TEX11: variants seen among roughly 807,000 people sequenced by gnomAD.
TEX11 encodes the protein testis-expressed protein 11.
In TEX11, 7 loss-of-function variants were observed where a neutral mutation model predicts 84.4. The observed-to-expected ratio is 0.08, with a 90% CI of 0.05 to 0.16. The LOEUF is 0.16. Among genes scored for constraint, TEX11 ranks in the 10% least tolerant of loss-of-function variants. TEX11 has a pLI of 1.00. For synonymous variants in TEX11, 264 were observed against 222.8 expected, an observed-to-expected ratio of 1.18 and a Z score of -1.64; for missense variants, 551 against 660.5, an observed-to-expected ratio of 0.83 and a Z score of 1.82.
chrX:70,567,564 A>T, intron 25 of TEX11, among the ~76,000 whole-genome samples: 1 of 110,483 alleles, frequency 9.1e-6, no homozygotes, highest in Admixed American at 9.7e-5. Context: ...TTCCCTCTAC[A>T]TACTGTTTTG....
At chrX:70,539,038 A>ATTTTTTTTTTTT (rs775537536) in intron 28 of TEX11, among the ~76,000 whole-genome samples, 1 of 41,255 alleles carries the variant, frequency 2.4e-5, no homozygotes, top group East Asian at 1.1e-3. Flanking sequence ...ATATATATAT[A>ATTTTTTTTTTTT]TTTTTTTTTT....
intron 13 of TEX11, among the ~76,000 whole-genome samples, chrX:70,710,776 AG>A (rs1306771599): frequency 9.0e-6 from 1 of 110,935 alleles, no homozygotes; most frequent in Non-Finnish European, 1.9e-5. Flanking sequence ...GGATTCACTG[AG>A]AAAGATATAG....
chrX:70,825,925 C>G (rs1203403818), intron 8 of TEX11, among the ~76,000 whole-genome samples: 1 of 111,257 alleles, frequency 9.0e-6, no homozygotes, highest in Non-Finnish European at 1.9e-5. Flanking sequence ...TTGCAGTGAG[C>G]TGAGATCGCG....
chrX:70,819,287 G>A (rs1205184630), intron 8 of TEX11, among the ~76,000 whole-genome samples: 2 of 111,664 alleles, frequency 1.8e-5, no homozygotes, highest in Non-Finnish European at 3.8e-5. Flanking sequence ...GGTTCAACAC[G>A]TGAAAATCAA....
intron 9 of TEX11, among the ~76,000 whole-genome samples, chrX:70,761,678 C>T (rs961794231): frequency 1.8e-5 from 2 of 111,854 alleles, no homozygotes; most frequent in African/African-American, 6.5e-5. Flanking sequence ...ACCTATGTAA[C>T]AAACCTGCAT....
intron 9 of TEX11, among the ~76,000 whole-genome samples, chrX:70,765,202 A>G (rs2090932343): frequency 9.0e-6 from 1 of 111,557 alleles, no homozygotes; most frequent in African/African-American, 3.3e-5. Context: ...CCTGGCCAAC[A>G]TGGTGAAACC....
chrX:70,710,544 AT>A (rs79913206), intron 13 of TEX11, among the ~76,000 whole-genome samples: 504 of 97,914 alleles, frequency 5.1e-3, no homozygotes, highest in Middle Eastern at 0.02. Context: ...AAAAGTTCTC[AT>A]TTTTTTTTTT....
At chrX:70,834,726 T>G (rs1402106723) in intron 7 of TEX11, among the ~76,000 whole-genome samples, 1 of 106,230 alleles carries the variant, frequency 9.4e-6, no homozygotes. Context: ...ATCGAGCCAT[T>G]GCACTCCAGC....
chrX:70,786,933 G>A (rs12164387), intron 9 of TEX11, among the ~76,000 whole-genome samples: 44,104 of 110,010 alleles, frequency 0.4, 7,390 homozygotes, highest in East Asian at 0.55. Flanking sequence ...TCAGGAGTTC[G>A]AAACCAGCCT....
intron 9 of TEX11, among the ~76,000 whole-genome samples, chrX:70,777,514 T>C (rs2091009764): frequency 9.0e-6 from 1 of 111,253 alleles, no homozygotes; most frequent in Non-Finnish European, 1.9e-5. Flanking sequence ...CTGGGCGTGG[T>C]GGCGCAAGCC....
At chrX:70,737,632 T>G (rs1325910352) in intron 11 of TEX11, among the ~76,000 whole-genome samples, 1 of 110,309 alleles carries the variant, frequency 9.1e-6, no homozygotes, top group Non-Finnish European at 1.9e-5. Flanking sequence ...GCACCATATT[T>G]CTCAACAGAA....
intron 9 of TEX11, among the ~76,000 whole-genome samples, chrX:70,801,266 G>T (rs1216109651): frequency 1.8e-5 from 2 of 111,974 alleles, no homozygotes; most frequent in Non-Finnish European, 3.8e-5. Flanking sequence ...GGCTTCTACT[G>T]CTTCAACAAC....
intron 17 of TEX11, among the ~76,000 whole-genome samples, chrX:70,636,465 C>T (rs1296771629): frequency 2.7e-5 from 3 of 111,183 alleles, no homozygotes; most frequent in Non-Finnish European, 5.7e-5. Flanking sequence ...CCCCTACAAA[C>T]CAAGGTTCCA....
intron 13 of TEX11, among the ~76,000 whole-genome samples, chrX:70,709,548 A>T (rs2147696284): frequency 9.0e-6 from 1 of 111,599 alleles, no homozygotes; most frequent in Non-Finnish European, 1.9e-5. Flanking sequence ...ATTTTATCAT[A>T]TCTTAGAGCC....
At chrX:70,658,286 G>A (rs1375323542) in intron 16 of TEX11, among the ~76,000 whole-genome samples, 1 of 110,478 alleles carries the variant, frequency 9.1e-6, no homozygotes, top group Non-Finnish European at 1.9e-5. Context: ...GCACGATGGC[G>A]GGTGCCTGTA....
Position 70,553,325 on chromosome X carries a change from T to C in TEX11, c.2380A>G (p.Ile794Val). 8.3e-7 allele frequency: 1 copy of C among 1,201,127 alleles called. No individual in the cohort carries two copies. Among genetic ancestry groups the C allele is most frequent in the Non-Finnish European group, 1.1e-6 (1 of 887,121 alleles). ...ACTAACCTGTATTGTGATATATCAATTGGTTCTTCCTTTTTGTAGAGCAAT... is the reference window on the plus strand; with the variant it reads ...ACTAACCTGTATTGTGATATATCAACTGGTTCTTCCTTTTTGTAGAGCAAT... ...ALLLYKKEEPIDISQYSKCMH... is the reference protein window; with the variant it reads ...ALLLYKKEEPVDISQYSKCMH... Residue 794 changes from isoleucine to valine, a missense_variant, in exon 27 of 30, where the codon ATT becomes GTT. Coordinates refer to ENST00000374333, the MANE Select transcript of TEX11 (RefSeq NM_031276.3).
chrX:70,579,459 T>G (rs1408359623), intron 25 of TEX11, among the ~76,000 whole-genome samples: 1 of 104,309 alleles, frequency 9.6e-6, no homozygotes, highest in East Asian at 3.0e-4. Flanking sequence ...ATCGCACCAC[T>G]GCACTCCAGC....
intron 28 of TEX11, among the ~76,000 whole-genome samples, chrX:70,549,193 A>G (rs904189109): frequency 9.0e-6 from 1 of 110,985 alleles, no homozygotes; most frequent in African/African-American, 3.3e-5. Context: ...GAAGGGAAGG[A>G]CCCAGTCTCG....
rs776556073 is a variant in TEX11 at position 70,740,736 on chromosome X, C to T, written c.808G>A (p.Asp270Asn). The change falls in exon 11 of 30, where the codon GAT becomes AAT. Residue 270 changes from aspartate (D) to asparagine (N), a missense_variant. By Grantham distance (23) the Asp-to-Asn change is conservative. Transcript: ENST00000374333. Reference sequence around the variant, plus strand: ...AGGTTTACAGCATTGAGAGCCTTATCATAATATTTGGTGTCATCCCAATCC... The same window carrying T: ...AGGTTTACAGCATTGAGAGCCTTATTATAATATTTGGTGTCATCCCAATCC... ...YLDWDDTKYY[D>N]KALNAVNLAN... 1.8e-5 allele frequency: 21 copies of T among 1,196,987 alleles called. No individual in the cohort carries two copies. The highest frequency in any genetic ancestry group is 1.8e-5 in the Non-Finnish European group (16 of 887,526).
Sources: allele counts gnomAD v4.1 joint callset (sites outside exome capture counted in the v4.1 genomes callset), GRCh38; gene constraint gnomAD v4.1.1; transcripts MANE v1.5; gene names NCBI Gene and HGNC (gene_info 2026-07-23, HGNC 2026-07-21).